Variants in CCDC60 observed in about 807,000 individuals in gnomAD.
The protein encoded by CCDC60 is coiled-coil domain-containing protein 60.
Under a neutral mutation model 63.5 loss-of-function variants are expected in CCDC60, and 54 were observed. The observed-to-expected ratio is 0.85, with a 90% CI of 0.68 to 1.07. CCDC60 has a LOEUF of 1.07. Ranked by LOEUF, CCDC60 falls within the 50% of genes least tolerant of loss-of-function variation. The pLI is 0.00. For synonymous variants in CCDC60, 206 were observed against 238.8 expected (o/e 0.86, Z 1.27); for missense variants, 651 against 684.3 (o/e 0.95, Z 0.54).
At chr12:119,371,749 G>A (rs968639637) in intron 1 of CCDC60, among the ~76,000 whole-genome samples, 6 of 152,226 alleles carry the variant, frequency 3.9e-5, no homozygotes, top group African/African-American at 7.2e-5. Flanking sequence ...GCTTTTCTCC[G>A]GGCTTCAAGA....
chr12:119,390,575 G>A (rs2136196659), intron 1 of CCDC60, among the ~76,000 whole-genome samples: 1 of 152,284 alleles, frequency 6.6e-6, no homozygotes, highest in East Asian at 1.9e-4. Context: ...CTCAGAGAGT[G>A]GTCATTCTTT....
intron 1 of CCDC60, among the ~76,000 whole-genome samples, chr12:119,354,009 A>C (rs1955690018): frequency 7.0e-6 from 1 of 142,454 alleles, no homozygotes; most frequent in East Asian, 2.2e-4. Flanking sequence ...TGTCTTTCTC[A>C]CTCTCTCTCA....
Position 119,505,188 on chromosome 12 carries a change from T to C in CCDC60, c.768T>C (p.Ser256=). ...GGSSPQSSMI[S]VNPGSDEPPS... Reference sequence around the variant, plus strand: ...CCTCTCCCCAGAGCAGCATGATCTCTGTGAACCCTGGCTCGGATGAGCCCC... The same window carrying C: ...CCTCTCCCCAGAGCAGCATGATCTCCGTGAACCCTGGCTCGGATGAGCCCC... Residue 256 remains serine, a synonymous_variant, in exon 7 of 14, where the codon TCT becomes TCC. Transcript: ENST00000327554. 6.2e-7 allele frequency: 1 copy of C among 1,614,138 alleles called. No homozygotes were observed. The highest frequency in any genetic ancestry group is 8.5e-7 in the Non-Finnish European group (1 of 1,180,034).
At chr12:119,501,937 T>C (rs1244299863) in intron 6 of CCDC60, among the ~76,000 whole-genome samples, 1 of 152,190 alleles carries the variant, frequency 6.6e-6, no homozygotes, top group African/African-American at 2.4e-5. Flanking sequence ...AGACAAATCC[T>C]TTCCCCTGTT....
At chr12:119,347,507 G>A (rs906833627) in intron 1 of CCDC60, among the ~76,000 whole-genome samples, 6 of 152,216 alleles carry the variant, frequency 3.9e-5, no homozygotes, top group South Asian at 2.1e-4. Flanking sequence ...GACACCATGC[G>A]TTGCTCATGA....
intron 4 of CCDC60, among the ~76,000 whole-genome samples, chr12:119,484,820 G>C (rs781660413): frequency 2.0e-5 from 3 of 152,152 alleles, no homozygotes; most frequent in Non-Finnish European, 4.4e-5. Context: ...AAAATCTATT[G>C]AGCTGACTCT....
At chr12:119,510,929 T>G (rs773319550) in intron 7 of CCDC60, among the ~76,000 whole-genome samples, 22 of 152,132 alleles carry the variant, frequency 1.4e-4, no homozygotes, top group Non-Finnish European at 2.9e-4. Context: ...CAAAGGATGT[T>G]GAAAAAATGA....
intron 1 of CCDC60, among the ~76,000 whole-genome samples, chr12:119,394,736 G>A (rs902005162): frequency 9.9e-5 from 15 of 152,138 alleles, no homozygotes; most frequent in Admixed American, 3.9e-4. Flanking sequence ...GTTAAATAAC[G>A]TCACTTTCCT....
intron 4 of CCDC60, among the ~76,000 whole-genome samples, chr12:119,480,381 G>A (rs1228697311): frequency 6.6e-6 from 1 of 152,168 alleles, no homozygotes; most frequent in Non-Finnish European, 1.5e-5. Flanking sequence ...ACACTACATA[G>A]AACATATATC....
At chr12:119,409,027 G>A (rs1956545885) in intron 1 of CCDC60, among the ~76,000 whole-genome samples, 1 of 152,152 alleles carries the variant, frequency 6.6e-6, no homozygotes, top group Non-Finnish European at 1.5e-5. Flanking sequence ...CTTTTGCCAT[G>A]TTCTAGTCAT....
At position 119,343,139 on chromosome 12, in the gene CCDC60, A is replaced by T. The variant is rs1480234671; in HGVS notation, c.90+7873A>T. ...TCAAAATCATAATCATCATAATGGG[A>T]TACCTTCTATCATGAGATGGTGGCA... On this transcript the variant is annotated intron_variant, in intron 1 of 13. Transcript: ENST00000327554. Among the ~76,000 whole-genome samples the T allele has an allele frequency of 4.6e-5, 7 of 152,210 alleles. No individual in the cohort carries two copies. In the South Asian group the frequency reaches 6.2e-4, roughly 13 times the overall value.
chr12:119,456,001 G>GAAAGAGAAAGAAAA lies in CCDC60; in HGVS notation c.171-15992_171-15991insAAGAGAAAGAAAAA, dbSNP rs747663726. Among the ~76,000 whole-genome samples the GAAAGAGAAAGAAAA allele has an allele frequency of 0.031, 1,582 of 50,722 alleles. 78 individuals are homozygous for GAAAGAGAAAGAAAA. The highest frequency in any genetic ancestry group is 0.073 in the African/African-American group (733 of 10,108). 33.3% of individuals were successfully genotyped at this position (50,722 alleles called of 152,430 possible). A position where few individuals can be genotyped will look rare whatever the true frequency, so the allele number is the denominator to read the frequency against. On this transcript the variant is annotated intron_variant, in intron 2 of 13. Transcript: ENST00000327554. This position sits in a 1 kb window ranked among gnomAD's most constrained non-coding sequence, Gnocchi z 4.6. ...AGGGAGAGAGAAAGAGAGAGAGAAA[G>GAAAGAGAAAGAAAA]AGAAAGAAAGAAAGAAAGAAAGAAA...
chr12:119,530,563 T>A (rs1487251807), intron 12 of CCDC60, among the ~76,000 whole-genome samples: 3 of 152,170 alleles, frequency 2.0e-5, no homozygotes, highest in Non-Finnish European at 4.4e-5. Context: ...AGAAGAGAAG[T>A]TTCAGATCCC....
chr12:119,496,238 G>A (rs1352263141), intron 5 of CCDC60, among the ~76,000 whole-genome samples: 2 of 152,166 alleles, frequency 1.3e-5, no homozygotes, highest in East Asian at 3.9e-4. Context: ...TTCCACCCTG[G>A]GAAGCAGATG....
chr12:119,431,671 T>G (rs1593077548), intron 2 of CCDC60, among the ~76,000 whole-genome samples: 1 of 150,870 alleles, frequency 6.6e-6, no homozygotes, highest in Non-Finnish European at 1.5e-5. Context: ...GTGTTTGTGT[T>G]TGTTTGTTTG....
rs186341383 is a variant in CCDC60, at chr12:119,483,244, A to G, written c.449+4043A>G. ...ATGGCATTGTTGTCATCAGTCTACC[A>G]AAAGGCACCAGGGCTGGCCCTGCCT... is the stretch of plus-strand genomic sequence containing the variant. On this transcript the variant is annotated intron_variant, in intron 4 of 13. Transcript: ENST00000327554. Among the ~76,000 whole-genome samples, 160 of 152,358 alleles carry G rather than the reference A, an allele frequency of 1.1e-3. 1 individual carries two copies. The highest frequency in any genetic ancestry group is 3.7e-3 in the African/African-American group (153 of 41,592).
intron 4 of CCDC60, among the ~76,000 whole-genome samples, chr12:119,480,748 ATCC>A (rs1166051772): frequency 6.7e-6 from 1 of 150,166 alleles, no homozygotes. Flanking sequence ...CATCACCATC[ATCC>A]TCACCATCAT....
chr12:119,427,036 C>T lies in CCDC60; in HGVS notation c.91-1647C>T, dbSNP rs146596121. 3.1e-3 allele frequency among the ~76,000 whole-genome samples: 469 copies of T among 152,262 alleles called. 2 individuals carry two copies. Among genetic ancestry groups the T allele is most frequent in the South Asian group, 7.9e-3 (38 of 4,820 alleles). ...TAGTGAGCAGCCAACCTGTTCTCAC[C>T]CTGCCTTCAAAAAACACTCTCAGTA... On this transcript the variant is annotated intron_variant, in intron 1 of 13. Coordinates refer to ENST00000327554, the MANE Select transcript of CCDC60 (RefSeq NM_178499.5).
At chr12:119,407,750 T>A (rs1405058721) in intron 1 of CCDC60, among the ~76,000 whole-genome samples, 1 of 152,156 alleles carries the variant, frequency 6.6e-6, no homozygotes, top group East Asian at 1.9e-4. Flanking sequence ...GTGGCTTTTT[T>A]TTAACCCATA....
Sources: allele counts gnomAD v4.1 joint callset (sites outside exome capture counted in the v4.1 genomes callset), GRCh38; gene constraint gnomAD v4.1.1; non-coding constraint Gnocchi (gnomAD v3.1); transcripts MANE v1.5; gene names NCBI Gene and HGNC (gene_info 2026-07-23, HGNC 2026-07-21).